Variants in TMEM108 observed in about 807,000 individuals in gnomAD.
TMEM108 encodes the protein transmembrane protein 108, also known as cancer/testis antigen 124.
A neutral mutation model predicts 35.1 loss-of-function variants in TMEM108; 12 were observed. The ratio of observed to expected loss-of-function variants is 0.34; its 90% confidence interval spans 0.22 to 0.55. The LOEUF is 0.55. Ranked by LOEUF, TMEM108 falls within the 20% of genes least tolerant of loss-of-function variation. TMEM108 has a pLI of 0.89. For missense variants in TMEM108, 680 were observed against 753.3 expected (o/e 0.90, Z 1.14); for synonymous variants, 287 against 308.6 (o/e 0.93, Z 0.73).
At position 133,271,011 on chromosome 3, in the gene TMEM108, A is replaced by C. The variant is rs137970944; in HGVS notation, c.40+41660A>C. 7.0e-4 allele frequency among the ~76,000 whole-genome samples: 106 copies of C among 152,242 alleles called. No homozygotes were observed. In the East Asian group the frequency reaches 0.02, roughly 29 times the overall value. On this transcript the variant is annotated intron_variant, in intron 3 of 5. Coordinates refer to ENST00000321871, the MANE Select transcript of TMEM108 (RefSeq NM_023943.4). The stretch of plus-strand genomic sequence containing the variant: ...CTCTTGACACAACCACTGTTTTGGC[A>C]CTACCTTCTGTTATTCTTTGGTTTT...
intron 2 of TMEM108, among the ~76,000 whole-genome samples, chr3:133,166,014 A>G (rs1308333503): frequency 6.6e-6 from 1 of 152,248 alleles, no homozygotes; most frequent in African/African-American, 2.4e-5. Flanking sequence ...GGAGAAAGTT[A>G]CTGAAATCAG....
intron 3 of TMEM108, among the ~76,000 whole-genome samples, chr3:133,258,361 A>G (rs916682384): frequency 8.5e-5 from 13 of 152,182 alleles, no homozygotes; most frequent in Non-Finnish European, 2.9e-5. Flanking sequence ...GATCCTCACC[A>G]TAGTTTCCAT....
chr3:133,222,756 C>T (rs1436118154), intron 2 of TMEM108, among the ~76,000 whole-genome samples: 1 of 151,918 alleles, frequency 6.6e-6, no homozygotes, highest in Non-Finnish European at 1.5e-5. Context: ...ATTTCAATTT[C>T]TATTAAATTT....
In TMEM108 at chr3:133,273,760, CA is replaced by C. The variant is rs1168795975; in HGVS notation, c.40+44412del. On this transcript the variant is annotated intron_variant, in intron 3 of 5. Transcript: ENST00000321871. Reference sequence around the variant, plus strand: ...TTCATCCATTTGCAACAAGTCATGGCAAACGGAAGAAATAGATTAGCCAATC... The same window carrying C: ...TTCATCCATTTGCAACAAGTCATGGCAACGGAAGAAATAGATTAGCCAATC... 9.2e-5 allele frequency among the ~76,000 whole-genome samples: 14 copies of C among 152,268 alleles called. No individual in the cohort carries two copies. In the South Asian group the frequency reaches 2.9e-3, roughly 32 times the overall value.
chr3:133,086,468 A>T (rs952749027), intron 2 of TMEM108, among the ~76,000 whole-genome samples: 14 of 152,166 alleles, frequency 9.2e-5, no homozygotes, highest in African/African-American at 3.4e-4. Context: ...CACATGCAGG[A>T]TATGTGTCTG....
intron 2 of TMEM108, among the ~76,000 whole-genome samples, chr3:133,141,684 C>T (rs905574076): frequency 6.6e-6 from 1 of 152,262 alleles, no homozygotes. Flanking sequence ...GACAATTGAA[C>T]AGTCCCTGCT....
chr3:133,060,198 G>A (rs548870365), intron 2 of TMEM108, among the ~76,000 whole-genome samples: 6 of 152,328 alleles, frequency 3.9e-5, no homozygotes, highest in African/African-American at 1.4e-4. Context: ...TTAAAAGTCT[G>A]AGGAGAGCTT....
At chr3:133,100,650 G>C (rs1944075260) in intron 2 of TMEM108, among the ~76,000 whole-genome samples, 2 of 152,098 alleles carry the variant, frequency 1.3e-5, no homozygotes, top group Non-Finnish European at 2.9e-5. Context: ...TTAAGGATTT[G>C]TTCAATACCT....
At chr3:133,296,918 C>A (rs1283982696) in intron 3 of TMEM108, among the ~76,000 whole-genome samples, 3 of 152,106 alleles carry the variant, frequency 2.0e-5, no homozygotes, top group Non-Finnish European at 2.9e-5. Flanking sequence ...TGATAGCCCC[C>A]CTAGTGATAT....
chr3:133,185,784 C>CTTTCT (rs1553745092), intron 2 of TMEM108, among the ~76,000 whole-genome samples: 5 of 127,094 alleles, frequency 3.9e-5, no homozygotes, highest in Non-Finnish European at 8.2e-5. Flanking sequence ...CTTTTCTTTT[C>CTTTCT]TTTTTTTTTT....
intron 3 of TMEM108, 144 bp downstream of exon 3, chr3:133,229,495 A>G: frequency 1.6e-6 from 1 of 634,038 alleles, no homozygotes; most frequent in East Asian, 3.0e-5. Flanking sequence ...ATCTAGATGA[A>G]GTATCAAGCG....
chr3:133,177,062 C>G (rs1250333348), intron 2 of TMEM108, among the ~76,000 whole-genome samples: 1 of 152,158 alleles, frequency 6.6e-6, no homozygotes, highest in Admixed American at 6.5e-5. Context: ...ACTAGAAAAT[C>G]TAGAAGAAAT....
intron 2 of TMEM108, among the ~76,000 whole-genome samples, chr3:133,209,953 G>A (rs1171295401): frequency 1.3e-5 from 2 of 152,100 alleles, no homozygotes; most frequent in Non-Finnish European, 2.9e-5. Flanking sequence ...GTAGGGACAA[G>A]TGAGAGGCTT....
chr3:133,258,509 T>C (rs1295179063), intron 3 of TMEM108, among the ~76,000 whole-genome samples: 1 of 152,140 alleles, frequency 6.6e-6, no homozygotes, highest in Non-Finnish European at 1.5e-5. Flanking sequence ...CCAAAGGAAT[T>C]CCTTAGGTGT....
At chr3:133,360,646 G>A (rs983145302) in intron 3 of TMEM108, among the ~76,000 whole-genome samples, 1 of 152,224 alleles carries the variant, frequency 6.6e-6, no homozygotes, top group African/African-American at 2.4e-5. Flanking sequence ...CCATGAGTGA[G>A]GCTGGTGACC....
rs561857029 is a variant in TMEM108 at position 133,221,508 on chromosome 3, A to G, written c.-46-7758A>G. ...AATGACTAGGAGAAGGGTCTAATAC[A>G]TATTTCTTATTATTTTACAGACTTA... On this transcript the variant is annotated intron_variant, in intron 2 of 5. Transcript: ENST00000321871. 3.3e-5 allele frequency among the ~76,000 whole-genome samples: 5 copies of G among 152,258 alleles called. No individual in the cohort carries two copies. In the East Asian group the frequency reaches 9.6e-4, roughly 29 times the overall value.
In TMEM108 at chr3:133,322,798, G is replaced by A. The variant is rs373476445; in HGVS notation, c.41-56954G>A. On this transcript the variant is annotated intron_variant, in intron 3 of 5. Transcript: ENST00000321871. ...ATACTAGCTAACCAAATCAAACAAC[G>A]TATCAAAAAGATAATAAACCATGAT... Among the ~76,000 whole-genome samples, 36 of 152,088 alleles carry A rather than the reference G, an allele frequency of 2.4e-4. No individual in the cohort carries two copies. In the East Asian group the frequency reaches 4.0e-3, roughly 17 times the overall value.
At position 133,260,400 on chromosome 3, in the gene TMEM108, T is replaced by G. The variant is rs370790100; in HGVS notation, c.40+31049T>G. Among the ~76,000 whole-genome samples, 127 of 152,258 alleles carry G rather than the reference T, an allele frequency of 8.3e-4. 2 individuals carry two copies. In the South Asian group the frequency reaches 0.016, roughly 20 times the overall value. Reference sequence around the variant, plus strand: ...GCTAGTTTGGGTGGTCAAGAAAGCATCTCAGAATCGATGACATTAGGTTGC... The same window carrying G: ...GCTAGTTTGGGTGGTCAAGAAAGCAGCTCAGAATCGATGACATTAGGTTGC... On this transcript the variant is annotated intron_variant, in intron 3 of 5. Transcript: ENST00000321871.
At chr3:133,207,245 T>C (rs2107834933) in intron 2 of TMEM108, among the ~76,000 whole-genome samples, 1 of 152,302 alleles carries the variant, frequency 6.6e-6, no homozygotes, top group East Asian at 1.9e-4. Flanking sequence ...GGGAGTTCCC[T>C]GACTCCTTGC....
Sources: allele counts gnomAD v4.1 joint callset (sites outside exome capture counted in the v4.1 genomes callset), GRCh38; gene constraint gnomAD v4.1.1; transcripts MANE v1.5; gene names NCBI Gene and HGNC (gene_info 2026-07-23, HGNC 2026-07-21).